The following MACF1 variants were observed in gnomAD, a reference collection of about 807,000 sequenced individuals.
The protein encoded by MACF1 is microtubule actin crosslinking factor 1.
MACF1 carries 193 observed loss-of-function variants against 854.8 expected under a neutral mutation model. That is an observed-to-expected ratio of 0.23 (90% CI 0.20 to 0.25). The LOEUF (loss-of-function observed/expected upper bound fraction) is 0.25. Ranked by LOEUF, MACF1 falls within the 10% of genes least tolerant of loss-of-function variation. The pLI is 1.00. For missense variants in MACF1, 7,722 were observed against 8,929.1 expected (o/e 0.86, Z 5.45); for synonymous variants, 3,185 against 3,226.7 (o/e 0.99, Z 0.44).
intron 1 of MACF1, among the ~76,000 whole-genome samples, chr1:39,217,238 G>A (rs958958798): frequency 2.1e-5 from 3 of 139,900 alleles, no homozygotes; most frequent in Non-Finnish European, 3.1e-5. Context: ...ATGATTTAGG[G>A]TCTATTTTAT....
chr1:39,182,044 G>A (rs1050297579), intron 2 of MACF1, among the ~76,000 whole-genome samples: 9 of 151,724 alleles, frequency 5.9e-5, no homozygotes, highest in Admixed American at 4.6e-4. Flanking sequence ...CCAGCTACTC[G>A]GGAGGCTGAG....
intron 80 of MACF1, among the ~76,000 whole-genome samples, chr1:39,446,816 A>G (rs150621886): frequency 3.6e-4 from 55 of 152,284 alleles, no homozygotes; most frequent in African/African-American, 1.3e-3. Context: ...TGTTGTTGCC[A>G]TTCTTAGGTA....
At position 39,387,904 on chromosome 1, in the gene MACF1, A is replaced by G. The variant is rs1313781238; in HGVS notation, c.15062A>G (p.Asn5021Ser). 6.2e-7 allele frequency: 1 copy of G among 1,614,014 alleles called. No individual in the cohort carries two copies. ...RLREFQESFK[N>S]IEKKVEGAKH... ...AGGGAGTTCCAGGAAAGCTTTAAGA[A>G]TATTGAAAAGAAGGTTGAAGGAGCC... The change falls in exon 58 of 101, where the codon AAT (asparagine) becomes AGT (serine). Residue 5021 changes from asparagine to serine, a missense_variant. Physicochemically the swap from Asn to Ser is conservative, Grantham distance 46. Coordinates refer to ENST00000564288, the MANE Select transcript of MACF1 (RefSeq NM_001394062.1).
chr1:39,462,116 C>A lies in MACF1; in HGVS notation c.21678+79C>A. On this transcript the variant is annotated intron_variant, in intron 93 of 100. Transcript: ENST00000564288. ...CCTGAATTTGGTTGGGTTCAGTGAT[C>A]ATATTAGCCTTTGACTTGTCTGTTG... The A allele has an allele frequency of 3.7e-6, 5 of 1,363,450 alleles. No individual in the cohort carries two copies. In the South Asian group the frequency reaches 6.4e-5, roughly 18 times the overall value. The allele number at this position is 1,363,450 out of a possible 1,614,324, so 84.5% of individuals were successfully genotyped here. A position where few individuals can be genotyped will look rare whatever the true frequency, so the allele number is the denominator to read the frequency against.
intron 2 of MACF1, among the ~76,000 whole-genome samples, chr1:39,104,829 C>G (rs972147346): frequency 1.3e-5 from 2 of 152,226 alleles, no homozygotes; most frequent in African/African-American, 4.8e-5. Context: ...GCAGCCCTGT[C>G]TGGATCTTGC....
At chr1:39,267,670 A>C (rs1449273230) in intron 6 of MACF1, among the ~76,000 whole-genome samples, 3 of 152,266 alleles carry the variant, frequency 2.0e-5, no homozygotes, top group African/African-American at 7.2e-5. Context: ...AAAATATATT[A>C]GATGTTAGCA....
chr1:39,125,978 G>A (rs1273728401), intron 2 of MACF1, among the ~76,000 whole-genome samples: 1 of 152,164 alleles, frequency 6.6e-6, no homozygotes, highest in Non-Finnish European at 1.5e-5. Context: ...GGGCGACAGC[G>A]CAAGACTCTG....
chr1:39,388,157 A>G lies in MACF1; in HGVS notation c.15315A>G (p.Gln5105=), dbSNP rs1431282505. Residue 5105 remains glutamine, a synonymous_variant, in exon 58 of 101, where the codon CAA becomes CAG. Coordinates refer to ENST00000564288, the MANE Select transcript of MACF1 (RefSeq NM_001394062.1). ...AGCAAGAGTTCCTCGAAGTTAAGCA[A>G]AGAGTGAACAGTGGTTGTGTGATGA... ...VAQQEFLEVK[Q]RVNSGCVMME... 6.2e-7 allele frequency: 1 copy of G among 1,614,168 alleles called. No individual in the cohort carries two copies. Among genetic ancestry groups the G allele is most frequent in the East Asian group, 2.2e-5 (1 of 44,870 alleles).
Position 39,388,092 on chromosome 1 carries a change from T to A in MACF1, c.15250T>A (p.Ser5084Thr), listed in dbSNP as rs768998802. ...TCTGGTAGAAGATGCCCCAGATGGA[T>A]CTGATGCTTCTCAACTTCTCCACCA... ...QGLVEDAPDG[S>T]DASQLLHQAE... Residue 5084 changes from serine to threonine, a missense_variant, in exon 58 of 101, where the codon TCT (serine) becomes ACT (threonine). Physicochemically the swap from Ser to Thr is moderately conservative, Grantham distance 58. Transcript: ENST00000564288. 24 of 1,614,080 alleles carry A rather than the reference T, an allele frequency of 1.5e-5. No individual in the cohort carries two copies. Among genetic ancestry groups the A allele is most frequent in the Non-Finnish European group, 1.9e-5 (23 of 1,180,022 alleles).
In MACF1 at chr1:39,231,252, C is replaced by T; in HGVS notation, c.171+9C>T. On this transcript the variant is annotated intron_variant, in intron 2 of 100. Transcript: ENST00000564288. ...ACAAGCACTTAATGAAGGTAGGACC[C>T]TTTCATATATATGCTGCCCCAGCAC... The T allele has an allele frequency of 1.2e-6, 2 of 1,613,220 alleles. No homozygotes were observed. Among genetic ancestry groups the T allele is most frequent in the Non-Finnish European group, 1.7e-6 (2 of 1,179,170 alleles).
intron 58 of MACF1, among the ~76,000 whole-genome samples, chr1:39,404,711 C>A (rs149334223): frequency 5.3e-5 from 8 of 152,254 alleles, no homozygotes; most frequent in Admixed American, 1.3e-4. Flanking sequence ...TCTTGAACTC[C>A]TGGCCTCAAG....
chr1:39,216,748 T>C (rs563529496), intron 1 of MACF1, among the ~76,000 whole-genome samples: 1 of 152,106 alleles, frequency 6.6e-6, no homozygotes, highest in East Asian at 1.9e-4. Context: ...ATTGCCTATA[T>C]CTAAAAGTGC....
rs1456420845 is a variant in MACF1, at chr1:39,105,876, TAC to T, written c.220+21440_220+21441del. 6.6e-6 allele frequency among the ~76,000 whole-genome samples: 1 copy of T among 151,528 alleles called. No homozygotes were observed. The highest frequency in any genetic ancestry group is 2.4e-5 in the African/African-American group (1 of 41,250). On this transcript the variant is annotated intron_variant, in intron 2 of 93. Transcript: ENST00000361689. The surrounding 1 kb of genome is among the most constrained non-coding windows in gnomAD (Gnocchi z 5.9). Reference sequence around the variant, plus strand: ...TGCTGCTTCTCGGGGCCAGTTTATTTACAGAGTTGAGATAAGCCTTCGGAAAC... The same window carrying T: ...TGCTGCTTCTCGGGGCCAGTTTATTTAGAGTTGAGATAAGCCTTCGGAAAC...
intron 52 of MACF1, among the ~76,000 whole-genome samples, chr1:39,377,663 T>TA (rs1229275824): frequency 6.6e-6 from 1 of 152,166 alleles, no homozygotes; most frequent in Non-Finnish European, 1.5e-5. Context: ...AATCTTCCTT[T>TA]AAAAACAATA....
intron 21 of MACF1, chr1:39,299,243 C>T (rs971320617): frequency 6.6e-6 from 3 of 456,004 alleles, no homozygotes; most frequent in Non-Finnish European, 8.8e-6. Context: ...ATCATGCTCC[C>T]GGGGACAGGC....
chr1:39,459,076 T>C lies in MACF1; in HGVS notation c.21197-10T>C, dbSNP rs376301335. On this transcript the variant is annotated splice_polypyrimidine_tract_variant and intron_variant, in intron 90 of 100. Transcript: ENST00000564288. Reference sequence around the variant, plus strand: ...AGCTGTTCTAATCTTGTGATTATTTTTCCTTTTAGGGAAATCCCTAAGTCA... The same window carrying C: ...AGCTGTTCTAATCTTGTGATTATTTCTCCTTTTAGGGAAATCCCTAAGTCA... The C allele has an allele frequency of 3.4e-5, 54 of 1,606,976 alleles. No homozygotes were observed. In the African/African-American group the frequency reaches 7.0e-4, roughly 21 times the overall value.
At chr1:39,298,495 A>G (rs1401240528) in intron 21 of MACF1, among the ~76,000 whole-genome samples, 1 of 152,240 alleles carries the variant, frequency 6.6e-6, no homozygotes, top group East Asian at 1.9e-4. Context: ...TGTATATGCA[A>G]TAGGGAACTT....
chr1:39,306,633 C>T (rs11205885), intron 23 of MACF1, among the ~76,000 whole-genome samples: 84,501 of 140,824 alleles, frequency 0.6, 27,244 homozygotes, highest in South Asian at 0.78. Context: ...TTTTTTAGTC[C>T]GGACCTGTTC....
Position 39,336,110 on chromosome 1 carries a change from A to G in MACF1, c.9522A>G (p.Gln3174=). ...ATGAATGTAAAGAAAAGTCATACCA[A>G]GAAGTATCTTTTGACCCAGCAAGAG... ...SSNECKEKSY[Q]EVSFDPARGL... is the part of the protein sequence containing the mutation. The change falls in exon 37 of 101, where the codon CAA becomes CAG. Residue 3174 remains glutamine, a synonymous_variant. Coordinates refer to ENST00000564288, the MANE Select transcript of MACF1 (RefSeq NM_001394062.1). 2 of 1,614,052 alleles carry G rather than the reference A, an allele frequency of 1.2e-6. No individual in the cohort carries two copies. The highest frequency in any genetic ancestry group is 1.7e-6 in the Non-Finnish European group (2 of 1,180,004).
Sources: gnomAD v4.1 joint callset for allele counts (sites outside exome capture counted in the v4.1 genomes callset) on GRCh38, gnomAD v4.1.1 for gene constraint, Gnocchi (gnomAD v3.1) non-coding constraint, MANE v1.5 for transcripts, NCBI Gene and HGNC (gene_info 2026-07-23, HGNC 2026-07-21) for gene names.